The following PIEZO1 variants were observed in gnomAD, a reference collection of about 807,000 sequenced individuals.
The protein encoded by PIEZO1 is piezo-type mechanosensitive ion channel component 1.
A neutral mutation model predicts 297.2 loss-of-function variants in PIEZO1; 296 were observed. That is an observed-to-expected ratio of 1.00 (90% CI 0.91 to 1.10). PIEZO1 has a LOEUF of 1.10. Ranked by LOEUF, PIEZO1 falls within the 50% of genes least tolerant of loss-of-function variation. PIEZO1 has a pLI of 0.00. For synonymous variants in PIEZO1, 2,427 were observed against 1,507.5 expected (o/e 1.61, Z -14.13); for missense variants, 5,018 against 3,455.5 (o/e 1.45, Z -11.34).
In PIEZO1 at chr16:88,734,512, A is replaced by G; in HGVS notation, c.2024T>C (p.Phe675Ser). The change falls in exon 16 of 51, where the codon TTC becomes TCC. Residue 675 changes from phenylalanine to serine, a missense_variant. Transcript: ENST00000301015. ...GCTGGAGAAGAGCTCGGACACGCTG[A>G]ACTGCTCCAGGCCCAGGTCCCCCAG... ...EQLGDLGLEQ[F>S]SVSELFSSIL... 6.5e-7 allele frequency: 1 copy of G among 1,546,776 alleles called. No homozygotes were observed. Among genetic ancestry groups the G allele is most frequent in the Non-Finnish European group, 8.7e-7 (1 of 1,145,098 alleles).
chr16:88,744,956 G>A (rs1905947676), intron 2 of PIEZO1: 1 of 152,160 alleles, frequency 6.6e-6, no homozygotes, highest in Admixed American at 6.5e-5. Flanking sequence ...GGTGCACACA[G>A]AGGCCGAGGG....
chr16:88,717,435 C>T (rs1433874597), intron 44 of PIEZO1: 2 of 634,982 alleles, frequency 3.1e-6, no homozygotes, highest in Admixed American at 4.6e-5. Context: ...GAGCTGTGAC[C>T]GTTCAGTGGG....
intron 1 of PIEZO1, among the ~76,000 whole-genome samples, chr16:88,778,084 A>G (rs899295609): frequency 1.3e-5 from 2 of 152,194 alleles, no homozygotes; most frequent in African/African-American, 2.4e-5. Flanking sequence ...GGAGGCTTCT[A>G]GACACACGGG....
intron 1 of PIEZO1, among the ~76,000 whole-genome samples, chr16:88,761,985 C>G (rs922276029): frequency 6.6e-6 from 1 of 152,218 alleles, no homozygotes; most frequent in Non-Finnish European, 1.5e-5. Context: ...CGCCAGCCCC[C>G]GCAGCCTCTC....
intron 44 of PIEZO1, chr16:88,717,516 A>G (rs963704221): frequency 1.8e-6 from 1 of 547,526 alleles, no homozygotes; most frequent in Admixed American, 2.2e-5. Context: ...CTCCTGCCTC[A>G]TACCATGTGC....
At position 88,716,069 on chromosome 16, in the gene PIEZO1, C is replaced by T. The variant is rs201950081; in HGVS notation, c.7180G>A (p.Gly2394Ser). Residue 2394 changes from glycine to serine, a missense_variant, in exon 50 of 51, where the codon GGT (glycine) becomes AGT (serine). Coordinates refer to ENST00000301015, the MANE Select transcript of PIEZO1 (RefSeq NM_001142864.4). The part of the protein sequence containing the change: ...GVRIQLRREQ[G>S]AGATGFLEWW... ...TCGAGGAAGCCGGTGGCCCCCGCAC[C>T]CTGCTCCCTCCGCAGCTGGATACGC... The T allele has an allele frequency of 1.8e-3, 2,797 of 1,550,064 alleles. 3 individuals carry two copies. The highest frequency in any genetic ancestry group is 2.2e-3 in the Non-Finnish European group (2,575 of 1,146,800).
At chr16:88,727,993 A>G (rs1904578274) in intron 22 of PIEZO1, 1 of 200,786 alleles carries the variant, frequency 5.0e-6, no homozygotes, top group Admixed American at 6.0e-5. Flanking sequence ...TCTGAAAACA[A>G]CGGCCAGAAG....
At chr16:88,723,423 C>G (rs1014093077) in intron 31 of PIEZO1, 95 bp from the exon 32 acceptor site, 2 of 1,398,974 alleles carry the variant, frequency 1.4e-6, no homozygotes, top group South Asian at 2.6e-5. Context: ...AGATCCAGAT[C>G]CCTGCTCTGT....
intron 1 of PIEZO1, among the ~76,000 whole-genome samples, chr16:88,770,960 G>A (rs977896039): frequency 3.9e-5 from 6 of 152,228 alleles, no homozygotes; most frequent in African/African-American, 9.6e-5. Flanking sequence ...TGCCCTGAGC[G>A]CAGGGGATTA....
chr16:88,724,932 A>C (rs1266845114), intron 30 of PIEZO1, 77 bp downstream of exon 30: 2 of 920,194 alleles, frequency 2.2e-6, no homozygotes, highest in African/African-American at 3.5e-5. Flanking sequence ...GGAGGGGAAG[A>C]TAGCAGGCCA....
chr16:88,741,388 T>C (rs1421149236), intron 5 of PIEZO1, 90 bp downstream of exon 5: 1 of 1,240,734 alleles, frequency 8.1e-7, no homozygotes, highest in African/African-American at 1.5e-5. Flanking sequence ...TCTACATCTG[T>C]TTTAAAAAGA....
Position 88,716,909 on chromosome 16 carries a change from C to T in PIEZO1, c.6661-11G>A, listed in dbSNP as rs572656832. On this transcript the variant is annotated splice_polypyrimidine_tract_variant and intron_variant, in intron 45 of 50. Transcript: ENST00000301015. ...CATGGTGAACAGCGGCTGGGGCAGG[C>T]ACGGGGACACGGGGCCACGAAGATG... The T allele has an allele frequency of 7.9e-5, 122 of 1,549,040 alleles. 1 individual carries two copies. In the East Asian group the frequency reaches 2.8e-3, roughly 36 times the overall value.
In PIEZO1 at chr16:88,734,542, T is replaced by C. The variant is rs1466413055; in HGVS notation, c.1998-4A>G. On this transcript the variant is annotated splice_region_variant and splice_polypyrimidine_tract_variant and intron_variant, in intron 15 of 50. Coordinates refer to ENST00000301015, the MANE Select transcript of PIEZO1 (RefSeq NM_001142864.4). ...CTCCAGGCCCAGGTCCCCCAGCCTG[T>C]GGAGGGGCAGCATCAGCACCGGCCC... The C allele has an allele frequency of 6.5e-7, 1 of 1,542,318 alleles. No homozygotes were observed.
rs894039166 is a variant in PIEZO1, at chr16:88,723,098, C to T, written c.4492G>A (p.Ala1498Thr). The part of the protein sequence containing the change: ...EPAEGPEEAA[A>T]GRSHVVQRVL... Reference sequence around the variant, plus strand: ...CCCCAGCCCCGGGCCCACGTACCTGCCGCTGCCTCCTCGGGGCCCTCTGCT... The same window carrying T: ...CCCCAGCCCCGGGCCCACGTACCTGTCGCTGCCTCCTCGGGGCCCTCTGCT... Residue 1498 changes from alanine (A) to threonine (T), a missense_variant, in exon 33 of 51, where the codon GCA becomes ACA. By Grantham distance (58) the Ala-to-Thr change is moderately conservative. Transcript: ENST00000301015. 49 of 1,547,884 alleles carry T rather than the reference C, an allele frequency of 3.2e-5. No homozygotes were observed. The highest frequency in any genetic ancestry group is 1.7e-4 in the Middle Eastern group (1 of 5,968).
chr16:88,779,581 TC>T (rs1193817068), intron 1 of PIEZO1, among the ~76,000 whole-genome samples: 2 of 152,196 alleles, frequency 1.3e-5, no homozygotes, highest in Admixed American at 1.3e-4. Context: ...CAGAGCTCTG[TC>T]CCACAGGACC....
At position 88,726,727 on chromosome 16, in the gene PIEZO1, C is replaced by A; in HGVS notation, c.3687G>T (p.Lys1229Asn). Reference sequence around the variant, plus strand: ...GCCGGAGGCTCACCGACAGCATGTTCTTGGAGATGATGACGGTGACGTTGT... The same window carrying A: ...GCCGGAGGCTCACCGACAGCATGTTATTGGAGATGATGACGGTGACGTTGT... ...ILYNVTVIISKNMLSLLACVF... is the reference protein window; with the variant it reads ...ILYNVTVIISNNMLSLLACVF... The change falls in exon 25 of 51, where the codon AAG becomes AAT. Residue 1229 changes from lysine (K) to asparagine (N), a missense_variant. Lys to Asn is a moderately conservative substitution (Grantham distance 94). Transcript: ENST00000301015. 1 of 1,549,898 alleles carries A rather than the reference C, an allele frequency of 6.5e-7. No homozygotes were observed. The highest frequency in any genetic ancestry group is 8.7e-7 in the Non-Finnish European group (1 of 1,146,686).
intron 23 of PIEZO1, 135 bp from the exon 24 acceptor site, chr16:88,727,327 T>G (rs555279804): frequency 9.5e-7 from 1 of 1,047,958 alleles, no homozygotes; most frequent in African/African-American, 1.6e-5. Flanking sequence ...CCTGGGTGAG[T>G]GGCCGGGTGT....
chr16:88,743,163 G>A (rs924400728), intron 2 of PIEZO1: 1 of 455,700 alleles, frequency 2.2e-6, no homozygotes, highest in East Asian at 7.0e-5. Context: ...CAGCCCCCCA[G>A]CAGGGAGGCC....
intron 1 of PIEZO1, among the ~76,000 whole-genome samples, chr16:88,770,214 C>G (rs191343650): frequency 6.6e-6 from 1 of 152,214 alleles, no homozygotes; most frequent in Admixed American, 6.5e-5. Flanking sequence ...AGGAGGCCTG[C>G]AGGCAGCCCC....
Sources: gnomAD v4.1 joint callset for allele counts (sites outside exome capture counted in the v4.1 genomes callset) on GRCh38, gnomAD v4.1.1 for gene constraint, MANE v1.5 for transcripts, NCBI Gene and HGNC (gene_info 2026-07-23, HGNC 2026-07-21) for gene names.